Variants in USP50 observed in about 807,000 individuals in gnomAD.
USP50 encodes ubiquitin specific peptidase 50.
In USP50, 37 loss-of-function variants were observed where a neutral mutation model predicts 39.2. The ratio of observed to expected loss-of-function variants is 0.94; its 90% CI spans 0.73 to 1.24. The LOEUF (loss-of-function observed/expected upper bound fraction) is 1.24, where lower values mean the gene tolerates loss of function less well. USP50 is among the 50% of genes most tolerant of loss of function. The pLI is 0.00. For missense variants in USP50, 374 were observed against 398.2 expected, an observed-to-expected ratio of 0.94 and a Z score of 0.52; for synonymous variants, 139 against 144.5, an observed-to-expected ratio of 0.96 and a Z score of 0.27.
intron 6 of USP50, chr15:50,501,931 A>G (rs921652925): frequency 2.0e-5 from 3 of 152,214 alleles, no homozygotes; most frequent in African/African-American, 7.2e-5. Context: ...TTATGGGAAC[A>G]CAGTCATGCT....
intron 6 of USP50, among the ~76,000 whole-genome samples, chr15:50,528,608 G>C (rs1328752572): frequency 6.6e-6 from 1 of 152,122 alleles, no homozygotes; most frequent in African/African-American, 2.4e-5. Context: ...ATAGAGAAGA[G>C]GATGCCACTC....
At chr15:50,531,270 T>C (rs958435135) in intron 5 of USP50, among the ~76,000 whole-genome samples, 2 of 152,188 alleles carry the variant, frequency 1.3e-5, no homozygotes, top group African/African-American at 2.4e-5. Context: ...TCTGCTAGTA[T>C]TTGTAGAAGT....
downstream of USP50, among the ~76,000 whole-genome samples, chr15:50,496,480 TAAAAAA>T (rs35899607): frequency 3.4e-5 from 4 of 116,500 alleles, no homozygotes; most frequent in South Asian, 8.6e-4. Flanking sequence ...GACTCCGTCT[TAAAAAA>T]AAAAAAAAAA....
At chr15:50,534,762 T>C (rs1471141581) in intron 5 of USP50, among the ~76,000 whole-genome samples, 1 of 152,116 alleles carries the variant, frequency 6.6e-6, no homozygotes, top group Non-Finnish European at 1.5e-5. Context: ...AAAAGGGCCA[T>C]ACATAATGAT....
intron 3 of USP50, 55 bp downstream of exon 3, chr15:50,543,543 A>G: frequency 6.7e-7 from 1 of 1,501,250 alleles, no homozygotes. Context: ...GAAAAATGGA[A>G]GCTGCTGATA....
At chr15:50,498,992 A>G, downstream of USP50, 1 of 1,614,006 alleles carries the variant, frequency 6.2e-7, no homozygotes, top group South Asian at 1.1e-5. Flanking sequence ...ATGATCATGA[A>G]GTTTCTGATA....
chr15:50,510,929 AC>A (rs1330060012), intron 6 of USP50: 3 of 152,124 alleles, frequency 2.0e-5, no homozygotes, highest in Non-Finnish European at 4.4e-5. Context: ...GGCGCCCGCC[AC>A]CATGCCCGGC....
intron 1 of USP50, among the ~76,000 whole-genome samples, chr15:50,495,357 T>C (rs1447469982): frequency 9.8e-6 from 1 of 102,314 alleles, no homozygotes; most frequent in Non-Finnish European, 2.1e-5. Context: ...TATATACATA[T>C]ATAGAGAGAG....
chr15:50,510,836 G>A lies in USP50; in HGVS notation c.937-9999C>T, dbSNP rs992328360. On this transcript the variant is annotated intron_variant, in intron 6 of 6. Coordinates refer to ENST00000532404, the MANE Select transcript of USP50 (RefSeq NM_203494.5). ...CTGTCTCCCAGGCTGGAGTGCAGTG[G>A]CGCTATCTCGGCTCACTGCAAGCTC... 4.6e-5 allele frequency: 7 copies of A among 152,090 alleles called. No individual in the cohort carries two copies. In the East Asian group the frequency reaches 1.3e-3, roughly 29 times the overall value. 9.4% of individuals were successfully genotyped at this position (152,090 alleles called of 1,614,324 possible). A position where few individuals can be genotyped will look rare whatever the true frequency, so the allele number is the denominator to read the frequency against.
intron 6 of USP50, among the ~76,000 whole-genome samples, chr15:50,527,739 A>G (rs1187450674): frequency 6.6e-6 from 1 of 151,368 alleles, no homozygotes; most frequent in Non-Finnish European, 1.5e-5. Flanking sequence ...GGTTCAAGCA[A>G]TTCTCCTGCC....
At chr15:50,529,205 T>G (rs1596015660) in intron 6 of USP50, among the ~76,000 whole-genome samples, 1 of 151,950 alleles carries the variant, frequency 6.6e-6, no homozygotes, top group Admixed American at 6.6e-5. Flanking sequence ...TGGTTCACGG[T>G]TATTCAACAT....
intron 4 of USP50, among the ~76,000 whole-genome samples, chr15:50,539,089 T>C (rs369767889): frequency 6.6e-6 from 1 of 151,266 alleles, no homozygotes; most frequent in East Asian, 2.0e-4. Flanking sequence ...ACTTATAATC[T>C]AGAAATCAGT....
chr15:50,545,016 T>C lies in USP50; in HGVS notation c.54-235A>G, dbSNP rs547561236. Among the ~76,000 whole-genome samples the C allele has an allele frequency of 3.3e-5, 5 of 152,222 alleles. No individual in the cohort carries two copies. The South Asian group carries it at 8.3e-4, about 25-fold the overall frequency. On this transcript the variant is annotated intron_variant, in intron 1 of 6. Transcript: ENST00000532404. ...CCTTTGGGAGGCCGAGGTGGGAGGA[T>C]TGCTTGAGGCCAGGAGTTTGAGACC...
At chr15:50,497,164 C>A, downstream of USP50, 1 of 1,610,176 alleles carries the variant, frequency 6.2e-7, no homozygotes. Context: ...TTGCAGAGCT[C>A]GACGGGATTC....
downstream of USP50, chr15:50,497,275 G>C (rs1433485075): frequency 3.9e-6 from 6 of 1,556,454 alleles, no homozygotes; most frequent in Non-Finnish European, 5.2e-6. Flanking sequence ...AATTAAATGA[G>C]GGAATTTTAA....
intron 6 of USP50, among the ~76,000 whole-genome samples, chr15:50,521,698 C>T (rs2052852035): frequency 6.6e-6 from 1 of 152,198 alleles, no homozygotes; most frequent in Non-Finnish European, 1.5e-5. Context: ...TACAATGGCT[C>T]ATGCCTGTAA....
chr15:50,514,928 G>C (rs2141357185), intron 6 of USP50, among the ~76,000 whole-genome samples: 1 of 149,886 alleles, frequency 6.7e-6, no homozygotes, highest in Non-Finnish European at 1.5e-5. Context: ...CTCAGGTGGT[G>C]GAGGTTGCAA....
At position 50,515,800 on chromosome 15, in the gene USP50, C is replaced by T. The variant is rs146784922; in HGVS notation, c.936+13997G>A. Among the ~76,000 whole-genome samples the T allele has an allele frequency of 3.0e-4, 45 of 152,132 alleles. No homozygotes were observed. The East Asian group carries it at 5.0e-3, about 17-fold the overall frequency. On this transcript the variant is annotated intron_variant, in intron 6 of 6. Transcript: ENST00000532404. The stretch of plus-strand genomic sequence containing the variant: ...CTGGTAAAACATACATATGCATACA[C>T]ATATACAAAAATTTCACATGTTAAG...
At chr15:50,525,290 G>T (rs1417570762) in intron 6 of USP50, among the ~76,000 whole-genome samples, 1 of 151,950 alleles carries the variant, frequency 6.6e-6, no homozygotes, top group Non-Finnish European at 1.5e-5. Context: ...AGGAGTTTTT[G>T]GTCAAAGGGT....
Sources: gnomAD v4.1 joint callset for allele counts (sites outside exome capture counted in the v4.1 genomes callset) on GRCh38, gnomAD v4.1.1 for gene constraint, MANE v1.5 for transcripts, NCBI Gene and HGNC (gene_info 2026-07-23, HGNC 2026-07-21) for gene names.